Variants in NAIF1 observed in about 807,000 individuals in gnomAD.
NAIF1 encodes nuclear apoptosis inducing factor 1.
A neutral mutation model predicts 20.7 loss-of-function variants in NAIF1; 14 were observed. The ratio of observed to expected loss-of-function variants is 0.67; its 90% CI spans 0.45 to 1.05. The LOEUF is 1.05. Among genes scored for constraint, NAIF1 ranks in the 50% least tolerant of loss-of-function variants. NAIF1 has a pLI of 0.00. For synonymous variants in NAIF1, 191 were observed against 191.4 expected, an observed-to-expected ratio of 1.00 and a Z score of 0.02; for missense variants, 362 against 448.8, an observed-to-expected ratio of 0.81 and a Z score of 1.75.
rs1356438362 is a variant in NAIF1 at position 128,067,227 on chromosome 9, G to A, written c.-126C>T. 4.9e-6 allele frequency: 6 copies of A among 1,229,442 alleles called. No individual in the cohort carries two copies. The highest frequency in any genetic ancestry group is 1.5e-5 in the African/African-American group (1 of 66,518). 76.2% of individuals were successfully genotyped at this position (1,229,442 alleles called of 1,614,324 possible). A position where few individuals can be genotyped will look rare whatever the true frequency, so the allele number is the denominator to read the frequency against. On this transcript the variant is annotated 5_prime_UTR_variant, in exon 1 of 2. Coordinates refer to ENST00000373078, the MANE Select transcript of NAIF1 (RefSeq NM_197956.4). ...AGGGGATAGGCCAGGCTTGCTCGAG[G>A]CCAAGCACTAGGCCTTTGGTAACCC... is the stretch of plus-strand genomic sequence containing the variant.
chr9:128,065,019 T>G (rs1832762519), intron 1 of NAIF1, among the ~76,000 whole-genome samples: 1 of 150,964 alleles, frequency 6.6e-6, no homozygotes, highest in South Asian at 2.1e-4. Context: ...GGTCACATGC[T>G]CTCTGTGGTA....
chr9:128,067,263 G>A lies in NAIF1; in HGVS notation c.-162C>T. 3.5e-6 allele frequency: 3 copies of A among 861,952 alleles called. No homozygotes were observed. Among genetic ancestry groups the A allele is most frequent in the South Asian group, 2.0e-5 (1 of 50,954 alleles). The allele number at this position is 861,952 out of a possible 1,614,324, so 53.4% of individuals were successfully genotyped here. A position where few individuals can be genotyped will look rare whatever the true frequency, so the allele number is the denominator to read the frequency against. On this transcript the variant is annotated 5_prime_UTR_variant, in exon 1 of 2. Coordinates refer to ENST00000373078, the MANE Select transcript of NAIF1 (RefSeq NM_197956.4). ...GGCCTTTGGTAACCCCCCTCGCTAC[G>A]CAAAGTGCGTAGGGCCCAGCCCCGA...
intron 1 of NAIF1, among the ~76,000 whole-genome samples, chr9:128,064,389 T>C (rs187072471): frequency 6.6e-6 from 1 of 152,272 alleles, no homozygotes; most frequent in African/African-American, 2.4e-5. Context: ...GTTCAGAATC[T>C]TAATCTACTT....
In NAIF1 at chr9:128,063,659, G is replaced by A. The variant is rs778760393; in HGVS notation, c.753C>T (p.Asn251=). 16 of 1,614,076 alleles carry A rather than the reference G, an allele frequency of 9.9e-6. No individual in the cohort carries two copies. Among genetic ancestry groups the A allele is most frequent in the African/African-American group, 9.3e-5 (7 of 74,960 alleles). Residue 251 remains asparagine (N), a synonymous_variant, in exon 2 of 2, where the codon AAC becomes AAT. Coordinates refer to ENST00000373078, the MANE Select transcript of NAIF1 (RefSeq NM_197956.4). This position sits in a 1 kb window ranked among gnomAD's most constrained non-coding sequence, Gnocchi z 4.3. ...AGCGGCGGATCATCTGCAGTAGGTCGTTCTGCTGTTCCAGGTGCTGTGCGA... is the reference window on the plus strand; with the variant it reads ...AGCGGCGGATCATCTGCAGTAGGTCATTCTGCTGTTCCAGGTGCTGTGCGA... The part of the protein sequence containing the change: ...KEIAQHLEQQ[N]DLLQMIRRSQ...
chr9:128,063,854 C>T lies in NAIF1; in HGVS notation c.558G>A (p.Glu186=). The change falls in exon 2 of 2, where the codon GAG becomes GAA. Residue 186 remains glutamate, a synonymous_variant. Coordinates refer to ENST00000373078, the MANE Select transcript of NAIF1 (RefSeq NM_197956.4). This position sits in a 1 kb window ranked among gnomAD's most constrained non-coding sequence, Gnocchi z 4.3. ...GTGGGGGCGCCTCAGCCGTGCAGTACTCCACCACGCCCTCCTCCAGCGTGT... is the reference window on the plus strand; with the variant it reads ...GTGGGGGCGCCTCAGCCGTGCAGTATTCCACCACGCCCTCCTCCAGCGTGT... ...TYHTLEEGVV[E]YCTAEAPPPL... The T allele has an allele frequency of 6.2e-7, 1 of 1,610,762 alleles. No homozygotes were observed. The highest frequency in any genetic ancestry group is 8.5e-7 in the Non-Finnish European group (1 of 1,180,018).
intron 1 of NAIF1, among the ~76,000 whole-genome samples, chr9:128,064,136 G>A (rs376937720): frequency 1.4e-5 from 2 of 144,764 alleles, no homozygotes; most frequent in Non-Finnish European, 3.0e-5. Context: ...TCGCCCAGGC[G>A]GGAGTGCTGT....
intron 1 of NAIF1, 97 bp downstream of exon 1, chr9:128,066,494 A>G: frequency 7.5e-7 from 1 of 1,328,224 alleles, no homozygotes; most frequent in South Asian, 1.8e-5. Context: ...CCCCCATCTG[A>G]CCTCTGACCC....
At chr9:128,065,456 C>T (rs1302968880) in intron 1 of NAIF1, among the ~76,000 whole-genome samples, 3 of 152,116 alleles carry the variant, frequency 2.0e-5, no homozygotes, top group Middle Eastern at 3.2e-3. Flanking sequence ...GCCCCTATGG[C>T]GAAGCAGAAA....
Position 128,063,790 on chromosome 9 carries a change from G to T in NAIF1, c.622C>A (p.His208Asn), listed in dbSNP as rs1374392123. The T allele has an allele frequency of 6.2e-7, 1 of 1,613,792 alleles. No individual in the cohort carries two copies. The highest frequency in any genetic ancestry group is 8.5e-7 in the Non-Finnish European group (1 of 1,180,046). ...PETPVDMMAQHADTSVKPQAL... is the reference protein window; with the variant it reads ...PETPVDMMAQNADTSVKPQAL... ...TGCGGCTTGACCGACGTGTCTGCAT[G>T]CTGGGCCATCATGTCCACAGGGGTC... is the stretch of plus-strand genomic sequence containing the variant. The change falls in exon 2 of 2, where the codon CAT becomes AAT. Residue 208 changes from histidine to asparagine, a missense_variant. By Grantham distance (68) the His-to-Asn change is moderately conservative. Transcript: ENST00000373078. The surrounding 1 kb of genome is among the most constrained non-coding windows in gnomAD (Gnocchi z 4.3).
chr9:128,064,832 G>A (rs371612889), intron 1 of NAIF1, among the ~76,000 whole-genome samples: 27 of 152,136 alleles, frequency 1.8e-4, no homozygotes, highest in African/African-American at 5.8e-4. Context: ...GAGAAACCTC[G>A]TCTCTATTAA....
Position 128,063,429 on chromosome 9 carries a change from C to T in NAIF1, c.983G>A (p.Ter328=). The T allele has an allele frequency of 6.2e-7, 1 of 1,605,236 alleles. No homozygotes were observed. Among genetic ancestry groups the T allele is most frequent in the African/African-American group, 1.3e-5 (1 of 75,012 alleles). ...QNGQPDSIIQ[*] ...AGAAGGCTGGCCTGACCCCTGCCCTCACTGGATGATGCTGTCTGGCTGCCC... is the reference window on the plus strand; with the variant it reads ...AGAAGGCTGGCCTGACCCCTGCCCTTACTGGATGATGCTGTCTGGCTGCCC... The change falls in exon 2 of 2, where the codon TGA becomes TAA. Residue 328 remains the stop codon, a stop_retained_variant. Coordinates refer to ENST00000373078, the MANE Select transcript of NAIF1 (RefSeq NM_197956.4). This position sits in a 1 kb window ranked among gnomAD's most constrained non-coding sequence, Gnocchi z 4.3.
At position 128,063,220 on chromosome 9, in the gene NAIF1, G is replaced by C; in HGVS notation, c.*208C>G. The C allele has an allele frequency of 1.7e-6, 1 of 591,440 alleles. No homozygotes were observed. The allele number at this position is 591,440 out of a possible 1,614,324, so 36.6% of individuals were successfully genotyped here. ...CTGCTAACCAATCTTCTGGATCTTAGCAAGGCAGCTCAAGTAGGGGGAGTA... is the reference window on the plus strand; with the variant it reads ...CTGCTAACCAATCTTCTGGATCTTACCAAGGCAGCTCAAGTAGGGGGAGTA... On this transcript the variant is annotated 3_prime_UTR_variant, in exon 2 of 2. Transcript: ENST00000373078. This position sits in a 1 kb window ranked among gnomAD's most constrained non-coding sequence, Gnocchi z 4.3.
rs1832745680 is a variant in NAIF1, at chr9:128,063,744, G to A, written c.668C>T (p.Ala223Val). 1 of 1,614,224 alleles carries A rather than the reference G, an allele frequency of 6.2e-7. No individual in the cohort carries two copies. Among genetic ancestry groups the A allele is most frequent in the Non-Finnish European group, 8.5e-7 (1 of 1,180,044 alleles). The change falls in exon 2 of 2, where the codon GCT becomes GTT. Residue 223 changes from alanine (A) to valine (V), a missense_variant. By Grantham distance (64) the Ala-to-Val change is moderately conservative. Transcript: ENST00000373078. This position sits in a 1 kb window ranked among gnomAD's most constrained non-coding sequence, Gnocchi z 4.3. ...CTGTATCAGCTTGGCGGAGTTGAGA[G>A]CAATGCGGCTCTTGAGCGCTTGCGG... ...VKPQALKSRI[A>V]LNSAKLIQEQ...
At chr9:128,065,133 G>T (rs1390288427) in intron 1 of NAIF1, among the ~76,000 whole-genome samples, 1 of 148,038 alleles carries the variant, frequency 6.8e-6, no homozygotes, top group African/African-American at 2.5e-5. Context: ...TTTTGAGACG[G>T]AGTTTTGCTC....
intron 1 of NAIF1, 122 bp from the exon 2 acceptor site, chr9:128,064,022 G>GGGAGGCCTGGATT: frequency 1.4e-6 from 1 of 707,526 alleles, no homozygotes; most frequent in Non-Finnish European, 2.3e-6. Context: ...GGGAATCCAG[G>GGGAGGCCTGGATT]CCTCCCCTGG....
At position 128,066,925 on chromosome 9, in the gene NAIF1, G is replaced by A. The variant is rs1406809211; in HGVS notation, c.177C>T (p.Ala59=). 1 of 1,612,744 alleles carries A rather than the reference G, an allele frequency of 6.2e-7. No individual in the cohort carries two copies. Among genetic ancestry groups the A allele is most frequent in the South Asian group, 1.1e-5 (1 of 91,086 alleles). ...HGILRRVNAV[A]TCRRELPEVK... ...CCTCAGGCAGCTCTCTGCGGCAGGTGGCCACGGCGTTGACCCTTCTCAGGA... is the reference window on the plus strand; with the variant it reads ...CCTCAGGCAGCTCTCTGCGGCAGGTAGCCACGGCGTTGACCCTTCTCAGGA... The change falls in exon 1 of 2, where the codon GCC becomes GCT. Residue 59 remains alanine, a synonymous_variant. Coordinates refer to ENST00000373078, the MANE Select transcript of NAIF1 (RefSeq NM_197956.4).
At position 128,067,117 on chromosome 9, in the gene NAIF1, C is replaced by T. The variant is rs1832794375; in HGVS notation, c.-16G>A. The T allele has an allele frequency of 6.4e-7, 1 of 1,566,578 alleles. No individual in the cohort carries two copies. Among genetic ancestry groups the T allele is most frequent in the Non-Finnish European group, 8.7e-7 (1 of 1,153,454 alleles). The stretch of plus-strand genomic sequence containing the variant: ...GGACGGCCATGGCCTCTCCCCTCCC[C>T]TCTTTTTAAAGAAATTATAATCCCC... On this transcript the variant is annotated 5_prime_UTR_variant, in exon 1 of 2. Coordinates refer to ENST00000373078, the MANE Select transcript of NAIF1 (RefSeq NM_197956.4).
At chr9:128,064,474 AACT>A (rs1161697516) in intron 1 of NAIF1, among the ~76,000 whole-genome samples, 2 of 152,220 alleles carry the variant, frequency 1.3e-5, no homozygotes, top group East Asian at 3.8e-4. Context: ...CTTTTAGAGC[AACT>A]ACTACATGTC....
At position 128,067,114 on chromosome 9, in the gene NAIF1, C is replaced by T. The variant is rs755505522; in HGVS notation, c.-13G>A. On this transcript the variant is annotated 5_prime_UTR_variant, in exon 1 of 2. Coordinates refer to ENST00000373078, the MANE Select transcript of NAIF1 (RefSeq NM_197956.4). ...CTGGGACGGCCATGGCCTCTCCCCT[C>T]CCCTCTTTTTAAAGAAATTATAATC... 1.9e-6 allele frequency: 3 copies of T among 1,569,846 alleles called. No individual in the cohort carries two copies. Among genetic ancestry groups the T allele is most frequent in the East Asian group, 4.5e-5 (2 of 44,252 alleles).
Sources: allele counts gnomAD v4.1 joint callset (sites outside exome capture counted in the v4.1 genomes callset), GRCh38; gene constraint gnomAD v4.1.1; non-coding constraint Gnocchi (gnomAD v3.1); transcripts MANE v1.5; gene names NCBI Gene and HGNC (gene_info 2026-07-23, HGNC 2026-07-21).